Variants in GLMN observed in about 807,000 individuals in gnomAD.
GLMN encodes the protein glomulin.
GLMN carries 75 observed loss-of-function variants against 87.8 expected under a neutral mutation model. The observed-to-expected ratio is 0.85, with a 90% confidence interval of 0.71 to 1.04. The LOEUF (loss-of-function observed/expected upper bound fraction) is 1.04, where lower values mean the gene tolerates loss of function less well. GLMN is among the 50% of genes least tolerant of loss of function. The pLI is 0.00. For synonymous variants in GLMN, 206 were observed against 221.6 expected (o/e 0.93, Z 0.63); for missense variants, 588 against 658.8 (o/e 0.89, Z 1.18).
the GLMN span, among the ~76,000 whole-genome samples, chr1:92,347,262 A>G: frequency 6.6e-6 from 1 of 152,224 alleles, no homozygotes; most frequent in Non-Finnish European, 1.5e-5. Context: ...AACAGATCTT[A>G]TTAATTTTTT....
the GLMN span, among the ~76,000 whole-genome samples, chr1:92,305,160 C>G: frequency 6.7e-6 from 1 of 149,994 alleles, no homozygotes; most frequent in African/African-American, 2.5e-5. Context: ...AGACCGGGCG[C>G]CCTGGCTCAA....
chr1:92,249,002 G>A (rs951264693), intron 16 of GLMN, among the ~76,000 whole-genome samples: 5 of 152,014 alleles, frequency 3.3e-5, no homozygotes, highest in African/African-American at 9.7e-5. Flanking sequence ...TTTTAAAAAT[G>A]TTTAGTGAAA....
chr1:92,267,774 A>G (rs542042687), intron 11 of GLMN, 139 bp downstream of exon 11: 10 of 654,920 alleles, frequency 1.5e-5, no homozygotes, highest in African/African-American at 1.1e-4. Flanking sequence ...CATATTGTCA[A>G]AGTTCTACTG....
At chr1:92,369,672 T>A in the GLMN span, among the ~76,000 whole-genome samples, 2 of 152,082 alleles carry the variant, frequency 1.3e-5, no homozygotes, top group African/African-American at 2.4e-5. Flanking sequence ...CCTTTCATTG[T>A]GTATTGGGGT....
intron 7 of GLMN, 63 bp downstream of exon 7, chr1:92,286,427 C>A: frequency 1.2e-6 from 1 of 802,250 alleles, no homozygotes; most frequent in Non-Finnish European, 2.2e-6. Flanking sequence ...TTTACATGTG[C>A]AGTACTGAGA....
the GLMN span, among the ~76,000 whole-genome samples, chr1:92,365,519 C>T: frequency 1.3e-5 from 2 of 152,178 alleles, no homozygotes; most frequent in South Asian, 4.1e-4. Context: ...GAACCACTGT[C>T]TTAATTCTAG....
At chr1:92,256,667 C>T (rs904509213) in intron 16 of GLMN, among the ~76,000 whole-genome samples, 3 of 152,152 alleles carry the variant, frequency 2.0e-5, no homozygotes, top group African/African-American at 7.2e-5. Flanking sequence ...ATGATTATCT[C>T]AACAGATGCA....
At chr1:92,250,681 A>G (rs1277581494) in intron 16 of GLMN, among the ~76,000 whole-genome samples, 1 of 152,178 alleles carries the variant, frequency 6.6e-6, no homozygotes, top group East Asian at 1.9e-4. Flanking sequence ...TTAATACTTT[A>G]ATGTAGAAAA....
At chr1:92,358,407 C>T in the GLMN span, among the ~76,000 whole-genome samples, 1 of 151,952 alleles carries the variant, frequency 6.6e-6, no homozygotes, top group South Asian at 2.1e-4. Flanking sequence ...GTTTCCTCCT[C>T]ACGAAACTTT....
the GLMN span, among the ~76,000 whole-genome samples, chr1:92,308,344 G>A: frequency 6.7e-6 from 1 of 150,344 alleles, no homozygotes; most frequent in African/African-American, 2.5e-5. Flanking sequence ...AAAAGACTCT[G>A]GCATTGTTCG....
intron 11 of GLMN, among the ~76,000 whole-genome samples, chr1:92,267,182 G>GA (rs1655733179): frequency 6.6e-6 from 1 of 152,092 alleles, no homozygotes. Context: ...CCATAGGAGG[G>GA]AAAAACACAA....
chr1:92,302,162 A>G (rs1178859832), upstream of GLMN, among the ~76,000 whole-genome samples: 3 of 152,124 alleles, frequency 2.0e-5, no homozygotes, highest in Admixed American at 2.0e-4. Flanking sequence ...CTGTAATCCC[A>G]GCTGCTCAGG....
intron 7 of GLMN, among the ~76,000 whole-genome samples, chr1:92,285,038 T>C (rs1648563094): frequency 6.6e-6 from 1 of 152,144 alleles, no homozygotes; most frequent in Non-Finnish European, 1.5e-5. Flanking sequence ...AGTTCAACCA[T>C]TGTGGAAGAC....
At chr1:92,329,511 C>T in the GLMN span, among the ~76,000 whole-genome samples, 2 of 152,010 alleles carry the variant, frequency 1.3e-5, no homozygotes, top group Non-Finnish European at 2.9e-5. Flanking sequence ...GAACTTGCCC[C>T]AGGCTACAGG....
chr1:92,289,009 G>A lies in GLMN; in HGVS notation c.537C>T (p.Ala179=). ...DDYGLCQCCK[A]LIEFTKPFVE... The stretch of plus-strand genomic sequence containing the variant: ...CAAAAGGCTTAGTGAACTCTATTAA[G>A]GCCTTGCAACACTGACAAAGGCCAT... Residue 179 remains alanine (A), a synonymous_variant, in exon 6 of 19, where the codon GCC becomes GCT. Transcript: ENST00000370360. 2 of 1,612,166 alleles carry A rather than the reference G, an allele frequency of 1.2e-6. No individual in the cohort carries two copies. Among genetic ancestry groups the A allele is most frequent in the Non-Finnish European group, 1.7e-6 (2 of 1,178,296 alleles).
chr1:92,321,393 T>G, the GLMN span, among the ~76,000 whole-genome samples: 1 of 152,162 alleles, frequency 6.6e-6, no homozygotes, highest in African/African-American at 2.4e-5. Context: ...AACTAAAAGA[T>G]GGTATCTAAG....
At chr1:92,257,810 C>T (rs1457328761) in intron 16 of GLMN, among the ~76,000 whole-genome samples, 4 of 152,226 alleles carry the variant, frequency 2.6e-5, no homozygotes, top group South Asian at 4.1e-4. Context: ...CATAAAAACC[C>T]TAGAAGAAAA....
At chr1:92,298,781 G>T in intron 1 of GLMN, 144 bp downstream of exon 1, 1 of 323,944 alleles carries the variant, frequency 3.1e-6, no homozygotes, top group Non-Finnish European at 5.6e-6. Flanking sequence ...ATCAGAGGAA[G>T]CCATGTCTTC....
the GLMN span, among the ~76,000 whole-genome samples, chr1:92,310,064 G>T: frequency 1.3e-5 from 2 of 152,102 alleles, no homozygotes; most frequent in Non-Finnish European, 1.5e-5. Flanking sequence ...ATGAGACCAG[G>T]ATTCTATTTA....
Sources: gnomAD v4.1 joint callset for allele counts (sites outside exome capture counted in the v4.1 genomes callset) on GRCh38, gnomAD v4.1.1 for gene constraint, MANE v1.5 for transcripts, NCBI Gene and HGNC (gene_info 2026-07-23, HGNC 2026-07-21) for gene names.